The following SLC30A10 variants were observed in gnomAD, a reference collection of about 807,000 sequenced individuals.
The protein encoded by SLC30A10 is solute carrier family 30 member 10.
SLC30A10 carries 8 observed loss-of-function variants against 21.7 expected under a neutral mutation model. The ratio of observed to expected loss-of-function variants is 0.37; its 90% CI spans 0.22 to 0.67. The LOEUF is 0.67. Among genes scored for constraint, SLC30A10 ranks in the 30% least tolerant of loss-of-function variants. SLC30A10 has a pLI of 0.58. For missense variants in SLC30A10, 521 were observed against 642.5 expected, an observed-to-expected ratio of 0.81 and a Z score of 2.04; for synonymous variants, 272 against 279.4, an observed-to-expected ratio of 0.97 and a Z score of 0.26.
upstream of SLC30A10, chr1:219,928,612 TC>T: frequency 1.8e-6 from 1 of 540,750 alleles, no homozygotes; most frequent in Non-Finnish European, 3.1e-6. This position sits in a 1 kb window ranked among gnomAD's most constrained non-coding sequence, Gnocchi z 6.3. Context: ...GCGCCACCAG[TC>T]CCCGCACGTC....
At chr1:219,916,262 C>T (rs1302549268) in intron 3 of SLC30A10, among the ~76,000 whole-genome samples, 1 of 152,118 alleles carries the variant, frequency 6.6e-6, no homozygotes, top group Non-Finnish European at 1.5e-5. Flanking sequence ...AGTGCAATGC[C>T]TTTTCTTAAA....
chr1:219,928,097 A>G lies in SLC30A10; in HGVS notation c.344T>C (p.Leu115Pro). 1 of 1,582,828 alleles carries G rather than the reference A, an allele frequency of 6.3e-7. No individual in the cohort carries two copies. The highest frequency in any genetic ancestry group is 8.6e-7 in the Non-Finnish European group (1 of 1,165,638). Residue 115 changes from leucine to proline, a missense_variant, in exon 1 of 4, where the codon CTG becomes CCG. Leu to Pro is a moderately conservative substitution (Grantham distance 98). Coordinates refer to ENST00000366926, the MANE Select transcript of SLC30A10 (RefSeq NM_018713.3). This position sits in a 1 kb window ranked among gnomAD's most constrained non-coding sequence, Gnocchi z 6.3. ...ARPERIDDPE[L>P]VLIVGVLGLL... ...CCCCAGGACGCCGACGATGAGCACC[A>G]GCTCGGGGTCATCGATGCGCTCGGG...
intron 1 of SLC30A10, among the ~76,000 whole-genome samples, chr1:219,956,428 G>A (rs1240938651): frequency 1.4e-5 from 2 of 147,426 alleles, no homozygotes; most frequent in African/African-American, 5.1e-5. Flanking sequence ...AGTCACACGT[G>A]TATTGTACCT....
At chr1:219,920,573 A>G (rs1221407884) in intron 2 of SLC30A10, among the ~76,000 whole-genome samples, 1 of 152,180 alleles carries the variant, frequency 6.6e-6, no homozygotes, top group Non-Finnish European at 1.5e-5. Context: ...GTTGATTGTC[A>G]TAACTCCTAT....
intron 2 of SLC30A10, among the ~76,000 whole-genome samples, chr1:219,923,493 G>A (rs1278432730): frequency 1.3e-5 from 2 of 152,168 alleles, no homozygotes; most frequent in African/African-American, 4.8e-5. Context: ...TGGGCAAATG[G>A]TAATGAAAAA....
intron 1 of SLC30A10, among the ~76,000 whole-genome samples, chr1:219,955,750 T>C (rs991180471): frequency 2.7e-4 from 41 of 152,316 alleles, no homozygotes; most frequent in African/African-American, 8.9e-4. Flanking sequence ...AAAGAAGTGA[T>C]ACATTACTGG....
chr1:219,927,666 A>AAAAAAC (rs1553313720), intron 1 of SLC30A10, 135 bp downstream of exon 1: 5 of 251,878 alleles, frequency 2.0e-5, no homozygotes, highest in Non-Finnish European at 3.1e-5. Flanking sequence ...AAAAAAAAAA[A>AAAAAAC]AACAACAACA....
chr1:219,916,022 G>C, intron 3 of SLC30A10, 74 bp from the exon 4 acceptor site: 2 of 1,531,202 alleles, frequency 1.3e-6, no homozygotes, highest in Non-Finnish European at 1.7e-6. Flanking sequence ...GAGGGATATG[G>C]TTCCGTTAAG....
At chr1:219,942,329 A>C (rs984388687) in intron 1 of SLC30A10, among the ~76,000 whole-genome samples, 1 of 152,232 alleles carries the variant, frequency 6.6e-6, no homozygotes, top group African/African-American at 2.4e-5. Context: ...ATAAGAGACA[A>C]AACTGAGATC....
rs993430155 is a variant in SLC30A10, at chr1:219,915,837, C to T, written c.1070G>A (p.Arg357Lys). 1.9e-6 allele frequency: 3 copies of T among 1,614,102 alleles called. No individual in the cohort carries two copies. Among genetic ancestry groups the T allele is most frequent in the African/African-American group, 2.7e-5 (2 of 74,938 alleles). Residue 357 changes from arginine to lysine, a missense_variant, in exon 4 of 4, where the codon AGG becomes AAG. Transcript: ENST00000366926. ...TTTTGTGCTGGCATCTTGATATCCC[C>T]TGTCCTTAGGATACTTGATGTGCAG... ...ATLHIKYPKD[R>K]GYQDASTKIR...
rs1275313575 is a variant in SLC30A10 at position 219,914,812 on chromosome 1, T to C, written c.*637A>G. On this transcript the variant is annotated 3_prime_UTR_variant, in exon 4 of 4. Coordinates refer to ENST00000366926, the MANE Select transcript of SLC30A10 (RefSeq NM_018713.3). Reference sequence around the variant, plus strand: ...TCAGTTCACAGCAGAAAGTAAACATTAGTTTTCTCTCACCTCACAAAATGT... The same window carrying C: ...TCAGTTCACAGCAGAAAGTAAACATCAGTTTTCTCTCACCTCACAAAATGT... 1 of 152,328 alleles carries C rather than the reference T, an allele frequency of 6.6e-6. No individual in the cohort carries two copies. The highest frequency in any genetic ancestry group is 2.4e-5 in the African/African-American group (1 of 41,466). 9.4% of individuals were successfully genotyped at this position (152,328 alleles called of 1,614,324 possible).
At chr1:219,956,877 C>A (rs1571817149) in intron 1 of SLC30A10, among the ~76,000 whole-genome samples, 1 of 151,972 alleles carries the variant, frequency 6.6e-6, no homozygotes, top group Non-Finnish European at 1.5e-5. Context: ...AGAGTCAGAC[C>A]GTTTACCTAA....
In SLC30A10 at chr1:219,925,889, G is replaced by A. The variant is rs939325073; in HGVS notation, c.718+1139C>T. On this transcript the variant is annotated intron_variant, in intron 2 of 3. Transcript: ENST00000366926. ...TTGGCCAGGCTGGTCTCAAACTCCC[G>A]ACCTCAGGTGATCTGCCCACCTCAG... is the stretch of plus-strand genomic sequence containing the variant. Among the ~76,000 whole-genome samples the A allele has an allele frequency of 4.0e-5, 6 of 151,466 alleles. No individual in the cohort carries two copies. The East Asian group carries it at 7.9e-4, about 20-fold the overall frequency.
Position 219,928,095 on chromosome 1 carries a change from C to T in SLC30A10, c.346G>A (p.Val116Met), listed in dbSNP as rs1315253548. The T allele has an allele frequency of 1.9e-6, 3 of 1,583,730 alleles. No homozygotes were observed. In the Admixed American group the frequency reaches 5.3e-5, roughly 28 times the overall value. ...AGCCCCAGGACGCCGACGATGAGCA[C>T]CAGCTCGGGGTCATCGATGCGCTCG... ...RPERIDDPEL[V>M]LIVGVLGLLV... is the part of the protein sequence containing the mutation. The change falls in exon 1 of 4, where the codon GTG becomes ATG. Residue 116 changes from valine (V) to methionine (M), a missense_variant. Physicochemically the swap from Val to Met is conservative, Grantham distance 21 (BLOSUM62 1). Transcript: ENST00000366926. This position sits in a 1 kb window ranked among gnomAD's most constrained non-coding sequence, Gnocchi z 6.3.
intron 1 of SLC30A10, among the ~76,000 whole-genome samples, chr1:219,954,863 T>C (rs1465324120): frequency 1.3e-5 from 2 of 151,880 alleles, no homozygotes; most frequent in Non-Finnish European, 2.9e-5. Flanking sequence ...GCCATCCTAC[T>C]AGAAAAGTGA....
intron 1 of SLC30A10, among the ~76,000 whole-genome samples, chr1:219,934,434 G>A (rs1381462057): frequency 6.6e-6 from 1 of 151,870 alleles, no homozygotes; most frequent in East Asian, 1.9e-4. Flanking sequence ...TTGCACTCCA[G>A]CCTGGGTAAC....
At position 219,927,047 on chromosome 1, in the gene SLC30A10, A is replaced by C. The variant is rs1659842086; in HGVS notation, c.699T>G (p.Ser233=). Residue 233 remains serine, a synonymous_variant, in exon 2 of 4, where the codon TCT becomes TCG. Transcript: ENST00000366926. Reference sequence around the variant, plus strand: ...TCCTACCTCTGATATTCAGAGCTTCAGACTTTTTCTCTTTTTTCATCATGT... The same window carrying C: ...TCCTACCTCTGATATTCAGAGCTTCCGACTTTTTCTCTTTTTTCATCATGT... The part of the protein sequence containing the change: ...PEDMMKKEKK[S]EALNIRGVLL... 5.6e-6 allele frequency: 9 copies of C among 1,613,822 alleles called. No homozygotes were observed. Among genetic ancestry groups the C allele is most frequent in the Non-Finnish European group, 7.6e-6 (9 of 1,179,788 alleles).
intron 3 of SLC30A10, among the ~76,000 whole-genome samples, chr1:219,917,855 C>T (rs751586480): frequency 3.3e-5 from 5 of 151,730 alleles, no homozygotes; most frequent in East Asian, 1.9e-4. Flanking sequence ...GGATTACAGG[C>T]GCGTGCTACC....
At position 219,927,077 on chromosome 1, in the gene SLC30A10, T is replaced by C. The variant is rs1202377144; in HGVS notation, c.669A>G (p.Pro223=). 6.2e-7 allele frequency: 1 copy of C among 1,614,036 alleles called. No homozygotes were observed. Among genetic ancestry groups the C allele is most frequent in the African/African-American group, 1.3e-5 (1 of 74,942 alleles). ...AGDSFNTQNE[P]EDMMKKEKKS... ...TTTTCTCTTTTTTCATCATGTCTTC[T>C]GGCTCATTCTGGGTGTTGAAGGAAT... Residue 223 remains proline (P), a synonymous_variant, in exon 2 of 4, where the codon CCA becomes CCG. Transcript: ENST00000366926.
Sources: gnomAD v4.1 joint callset for allele counts (sites outside exome capture counted in the v4.1 genomes callset) on GRCh38, gnomAD v4.1.1 for gene constraint, Gnocchi (gnomAD v3.1) non-coding constraint, MANE v1.5 for transcripts, NCBI Gene and HGNC (gene_info 2026-07-23, HGNC 2026-07-21) for gene names.